TOP6BL: variants seen among roughly 807,000 people sequenced by gnomAD.
The protein encoded by TOP6BL is type 2 DNA topoisomerase 6 subunit B-like.
At chr11:66,777,383 G>A in the TOP6BL span, among the ~76,000 whole-genome samples, 1 of 152,016 alleles carries the variant, frequency 6.6e-6, no homozygotes, top group African/African-American at 2.4e-5. Context: ...TCATAAAATT[G>A]TTTTGAGGAT....
At chr11:66,792,705 C>T in the TOP6BL span, among the ~76,000 whole-genome samples, 3 of 152,178 alleles carry the variant, frequency 2.0e-5, no homozygotes, top group African/African-American at 7.2e-5. Flanking sequence ...TGCATAGAAA[C>T]TGCTTGACAT....
At chr11:66,784,956 C>CTTTTTT in the TOP6BL span, among the ~76,000 whole-genome samples, 13 of 95,120 alleles carry the variant, frequency 1.4e-4, no homozygotes, top group East Asian at 6.2e-4. Flanking sequence ...TCTAAGATTT[C>CTTTTTT]TTTTTTTTTT....
the TOP6BL span, among the ~76,000 whole-genome samples, chr11:66,806,603 A>T: frequency 6.6e-6 from 1 of 152,164 alleles, no homozygotes; most frequent in Non-Finnish European, 1.5e-5. Context: ...CCCTGTCTCT[A>T]TTAAAAATAC....
the TOP6BL span, among the ~76,000 whole-genome samples, chr11:66,814,351 C>T: frequency 7.4e-4 from 112 of 152,162 alleles, no homozygotes; most frequent in Non-Finnish European, 1.4e-3. Flanking sequence ...CTCCGCCTCC[C>T]GGGTTCAAGT....
At chr11:66,816,086 A>G in the TOP6BL span, 1 of 1,604,672 alleles carries the variant, frequency 6.2e-7, no homozygotes, top group Non-Finnish European at 8.5e-7. Context: ...TATCAGGTGG[A>G]ATCCAGTGAG....
At chr11:66,744,872 C>T in the TOP6BL span, 3 of 1,303,614 alleles carry the variant, frequency 2.3e-6, no homozygotes, top group Non-Finnish European at 2.0e-6. Flanking sequence ...TGGGCGTTGC[C>T]GCTGTTCCCT....
chr11:66,813,858 A>G, the TOP6BL span: 1 of 1,613,308 alleles, frequency 6.2e-7, no homozygotes, highest in Non-Finnish European at 8.5e-7. Flanking sequence ...TTCTTTAGCA[A>G]CTACACATAT....
chr11:66,745,879 C>T, the TOP6BL span, among the ~76,000 whole-genome samples: 1 of 152,306 alleles, frequency 6.6e-6, no homozygotes, highest in East Asian at 1.9e-4. Flanking sequence ...GGCGTGATCC[C>T]GGCTCACCGC....
the TOP6BL span, chr11:66,800,621 C>T: frequency 6.3e-7 from 1 of 1,577,836 alleles, no homozygotes; most frequent in East Asian, 2.3e-5. Context: ...AAATCTCACA[C>T]TTAACTTATT....
chr11:66,812,185 C>CTTTTTTTTTT, the TOP6BL span, among the ~76,000 whole-genome samples: 16 of 140,296 alleles, frequency 1.1e-4, 2 homozygotes, highest in African/African-American at 8.2e-5. Flanking sequence ...GAGTTTGCAT[C>CTTTTTTTTTT]TTTTTTTTTG....
At chr11:66,769,103 C>G in the TOP6BL span, among the ~76,000 whole-genome samples, 2 of 152,092 alleles carry the variant, frequency 1.3e-5, no homozygotes, top group Non-Finnish European at 2.9e-5. Flanking sequence ...AGAGTTGTCT[C>G]CCTATAGTGG....
At chr11:66,760,144 C>T in the TOP6BL span, among the ~76,000 whole-genome samples, 1 of 152,110 alleles carries the variant, frequency 6.6e-6, no homozygotes, top group Non-Finnish European at 1.5e-5. Context: ...TTATATCTGT[C>T]CTTGCTTTAA....
chr11:66,804,482 T>C, the TOP6BL span, among the ~76,000 whole-genome samples: 1 of 152,162 alleles, frequency 6.6e-6, no homozygotes, highest in African/African-American at 2.4e-5. Flanking sequence ...TTGAATATGG[T>C]AGATCTTGAG....
At chr11:66,775,531 C>T in the TOP6BL span, among the ~76,000 whole-genome samples, 1 of 152,202 alleles carries the variant, frequency 6.6e-6, no homozygotes, top group African/African-American at 2.4e-5. Context: ...GTGTCGCCTT[C>T]CAGGAGAAGC....
the TOP6BL span, among the ~76,000 whole-genome samples, chr11:66,795,594 G>A: frequency 8.7e-4 from 132 of 152,052 alleles, no homozygotes; most frequent in African/African-American, 3.1e-3. Flanking sequence ...AAGCTAACAC[G>A]CCCAGCCTAC....
At chr11:66,786,229 C>T in the TOP6BL span, among the ~76,000 whole-genome samples, 1 of 151,588 alleles carries the variant, frequency 6.6e-6, no homozygotes, top group African/African-American at 2.4e-5. Flanking sequence ...ACCTGGGAGG[C>T]AGAGGTTGCA....
At chr11:66,843,010 C>T in the TOP6BL span, 2 of 1,551,916 alleles carry the variant, frequency 1.3e-6, no homozygotes, top group Non-Finnish European at 1.7e-6. Context: ...AAGGGAGCAC[C>T]GCGAGGCTCA....
chr11:66,771,093 A>G, the TOP6BL span, among the ~76,000 whole-genome samples: 1 of 151,706 alleles, frequency 6.6e-6, no homozygotes, highest in South Asian at 2.1e-4. Context: ...CTGACACTCA[A>G]TAAATGTCTT....
chr11:66,783,028 G>A, the TOP6BL span, among the ~76,000 whole-genome samples: 1 of 152,136 alleles, frequency 6.6e-6, no homozygotes, highest in African/African-American at 2.4e-5. Flanking sequence ...CTCTCATTTT[G>A]TAATGGTAGT....
Sources: allele counts gnomAD v4.1 joint callset (sites outside exome capture counted in the v4.1 genomes callset), GRCh38; gene constraint gnomAD v4.1.1; transcripts MANE v1.5; gene names NCBI Gene and HGNC (gene_info 2026-07-23, HGNC 2026-07-21).